Variants in TRHDE observed in about 807,000 individuals in gnomAD.
TRHDE encodes thyrotropin-releasing hormone-degrading ectoenzyme.
A neutral mutation model predicts 125.7 loss-of-function variants in TRHDE; 72 were observed. The observed-to-expected ratio is 0.57, with a 90% CI of 0.47 to 0.70. TRHDE has a LOEUF of 0.70. Among genes scored for constraint, TRHDE ranks in the 30% least tolerant of loss-of-function variants. TRHDE has a pLI of 0.00. For synonymous variants in TRHDE, 509 were observed against 509.1 expected (o/e 1.00, Z 0.00); for missense variants, 1,110 against 1,327.1 (o/e 0.84, Z 2.54).
intron 2 of TRHDE, among the ~76,000 whole-genome samples, chr12:72,367,507 G>T (rs1871388225): frequency 6.6e-6 from 1 of 151,856 alleles, no homozygotes; most frequent in Admixed American, 6.6e-5. Context: ...GTTTCTTCTA[G>T]ACTTTCATGT....
intron 2 of TRHDE, among the ~76,000 whole-genome samples, chr12:72,294,827 A>G (rs1038689060): frequency 2.0e-5 from 3 of 151,820 alleles, no homozygotes; most frequent in Non-Finnish European, 4.4e-5. Context: ...CTTCCCTCCT[A>G]TGCTCATTGG....
At chr12:72,128,884 G>A (rs977002016) in intron 2 of TRHDE, among the ~76,000 whole-genome samples, 6 of 152,040 alleles carry the variant, frequency 3.9e-5, no homozygotes, top group Admixed American at 2.0e-4. Context: ...AATAGTGGCT[G>A]AAAAATTTCC....
rs534058307 is a variant in TRHDE, at chr12:72,152,563, T to C, written n.279+46811T>C. On this transcript the variant is annotated intron_variant and non_coding_transcript_variant, in intron 2 of 4. Transcript: ENST00000548156. ...ATAGATAGCTCTTATTATTTTGAGA[T>C]ACGTCCCATCAATACCTAATTTATT... Among the ~76,000 whole-genome samples, 464 of 152,346 alleles carry C rather than the reference T, an allele frequency of 3.0e-3. 4 individuals are homozygous for C. Among genetic ancestry groups the C allele is most frequent in the South Asian group, 4.8e-3 (23 of 4,828 alleles).
At chr12:72,138,182 C>A (rs1876029490) in intron 2 of TRHDE, among the ~76,000 whole-genome samples, 1 of 152,132 alleles carries the variant, frequency 6.6e-6, no homozygotes, top group African/African-American at 2.4e-5. Flanking sequence ...TGAGACCATC[C>A]TGGCAAACAT....
At chr12:72,281,196 T>C (rs1879685111) in intron 1 of TRHDE, among the ~76,000 whole-genome samples, 2 of 152,266 alleles carry the variant, frequency 1.3e-5, no homozygotes, top group South Asian at 4.1e-4. Flanking sequence ...TTAAAAAAAA[T>C]AGACTACACA....
chr12:72,238,338 A>ATT (rs375648157), intron 2 of TRHDE, among the ~76,000 whole-genome samples: 1 of 18,612 alleles, frequency 5.4e-5, no homozygotes, highest in Non-Finnish European at 1.3e-4. Flanking sequence ...ATATATACAC[A>ATT]TTATATATAT....
intron 12 of TRHDE, among the ~76,000 whole-genome samples, chr12:72,580,846 A>G (rs35910269): frequency 0.011 from 1,691 of 152,352 alleles, 12 homozygotes; most frequent in Non-Finnish European, 0.017. Flanking sequence ...CTCACAATCT[A>G]GCAGGGAAGA....
chr12:72,364,078 C>G (rs1025584986), intron 2 of TRHDE, among the ~76,000 whole-genome samples: 1 of 152,040 alleles, frequency 6.6e-6, no homozygotes, highest in Admixed American at 6.6e-5. Flanking sequence ...CGTGAAGGAC[C>G]TCTTCAAGGA....
chr12:72,359,400 C>T (rs976791284), intron 2 of TRHDE, among the ~76,000 whole-genome samples: 3 of 151,556 alleles, frequency 2.0e-5, no homozygotes, highest in Admixed American at 1.3e-4. Context: ...TCTAGAAATC[C>T]TTACTGAGAC....
intron 2 of TRHDE, among the ~76,000 whole-genome samples, chr12:72,290,385 T>C (rs1189394292): frequency 1.3e-5 from 2 of 152,248 alleles, no homozygotes; most frequent in Non-Finnish European, 2.9e-5. Context: ...TTAACCTCTT[T>C]TTATTCTGAT....
rs530494402 is a variant in TRHDE at position 72,176,809 on chromosome 12, CAAA to C, written n.279+71060_279+71062del. ...AGTTACTTCTCATTTAAAGATAGTA[CAAA>C]AACTAAAATAGTCATTTTGATATTT... On this transcript the variant is annotated intron_variant and non_coding_transcript_variant, in intron 2 of 4. Transcript: ENST00000548156. 2.8e-3 allele frequency among the ~76,000 whole-genome samples: 421 copies of C among 152,222 alleles called. 3 individuals are homozygous for C. Among genetic ancestry groups the C allele is most frequent in the Non-Finnish European group, 4.6e-3 (310 of 68,006 alleles).
intron 3 of TRHDE, among the ~76,000 whole-genome samples, chr12:72,390,944 T>C (rs1872590792): frequency 6.6e-6 from 1 of 152,156 alleles, no homozygotes. Context: ...GCTTGTCTAA[T>C]ATAAAAGGCG....
chr12:72,669,819 C>T lies in TRHDE; in HGVS notation c.*6624C>T, dbSNP rs1034884376. The stretch of plus-strand genomic sequence containing the variant: ...TTCCACATTATCCTTTTGAATGCTA[C>T]CTATATATTGCCACATATAAAGATA... On this transcript the variant is annotated 3_prime_UTR_variant, in exon 19 of 19. Coordinates refer to ENST00000261180, the MANE Select transcript of TRHDE (RefSeq NM_013381.3). The T allele has an allele frequency of 2.0e-5, 3 of 151,624 alleles. No homozygotes were observed. The highest frequency in any genetic ancestry group is 7.3e-5 in the African/African-American group (3 of 41,362). The allele number at this position is 151,624 out of a possible 1,614,324, so 9.4% of individuals were successfully genotyped here. A position where few individuals can be genotyped will look rare whatever the true frequency, so the allele number is the denominator to read the frequency against.
At chr12:72,487,692 A>G (rs909090656) in intron 5 of TRHDE, among the ~76,000 whole-genome samples, 2 of 152,156 alleles carry the variant, frequency 1.3e-5, no homozygotes, top group African/African-American at 4.8e-5. Flanking sequence ...GAATATGTAT[A>G]AAAGTATAAA....
chr12:72,204,589 G>A (rs1877627108), intron 2 of TRHDE, among the ~76,000 whole-genome samples: 1 of 151,940 alleles, frequency 6.6e-6, no homozygotes, highest in South Asian at 2.1e-4. Flanking sequence ...ATGTCCCTTA[G>A]GCATCTCAAA....
rs1875284477 is a variant in TRHDE at position 72,446,353 on chromosome 12, AGGAAGCACTAAACAC to A, written c.1316-23400_1316-23386del. ...AGGCCTGCCTTAGGAGAGCTCCTGAAGGAAGCACTAAACACGGAAAGGAAGAACCAGTACCAGCCA... is the reference window on the plus strand; with the variant it reads ...AGGCCTGCCTTAGGAGAGCTCCTGAAGGAAAGGAAGAACCAGTACCAGCCA... On this transcript the variant is annotated intron_variant, in intron 3 of 18. Transcript: ENST00000261180. Among the ~76,000 whole-genome samples the A allele has an allele frequency of 3.3e-5, 5 of 151,934 alleles. No individual in the cohort carries two copies. In the South Asian group the frequency reaches 8.3e-4, roughly 25 times the overall value.
chr12:72,332,223 C>G (rs1210377395), intron 2 of TRHDE, among the ~76,000 whole-genome samples: 1 of 152,098 alleles, frequency 6.6e-6, no homozygotes, highest in Non-Finnish European at 1.5e-5. Context: ...ACTGCAAGCT[C>G]CACCTCCCGG....
At chr12:72,601,976 T>G (rs1200017312) in intron 12 of TRHDE, among the ~76,000 whole-genome samples, 3 of 152,156 alleles carry the variant, frequency 2.0e-5, no homozygotes, top group Admixed American at 6.5e-5. Flanking sequence ...TCTGGTTGTG[T>G]TCTTAGGATT....
At chr12:72,499,038 G>GA (rs1878036448) in intron 5 of TRHDE, among the ~76,000 whole-genome samples, 2 of 151,332 alleles carry the variant, frequency 1.3e-5, no homozygotes, top group African/African-American at 2.4e-5. Context: ...GAAGGACAGG[G>GA]AAAAAAAGAG....
Sources: gnomAD v4.1 joint callset for allele counts (sites outside exome capture counted in the v4.1 genomes callset) on GRCh38, gnomAD v4.1.1 for gene constraint, MANE v1.5 for transcripts, NCBI Gene and HGNC (gene_info 2026-07-23, HGNC 2026-07-21) for gene names.